The following RCOR1 variants were observed in gnomAD, a reference collection of about 807,000 sequenced individuals.
The protein encoded by RCOR1 is REST corepressor.
A neutral mutation model predicts 64.0 loss-of-function variants in RCOR1; 12 were observed. The ratio of observed to expected loss-of-function variants is 0.19; its 90% CI spans 0.12 to 0.30. RCOR1 has a LOEUF of 0.30. Ranked by LOEUF, RCOR1 falls within the 10% of genes least tolerant of loss-of-function variation. The probability of loss-of-function intolerance (pLI) is 1.00; values close to 1 mark genes in which losing one functional copy is unlikely to be tolerated. For synonymous variants in RCOR1, 279 were observed against 227.2 expected (o/e 1.23, Z -2.05); for missense variants, 502 against 621.2 (o/e 0.81, Z 2.04).
chr14:102,718,599 G>A (rs1323278013), intron 8 of RCOR1, among the ~76,000 whole-genome samples: 1 of 152,158 alleles, frequency 6.6e-6, no homozygotes, highest in African/African-American at 2.4e-5. Flanking sequence ...GGAGGGTGGT[G>A]TCTAGGTAGG....
chr14:102,658,106 T>C (rs1028523845), intron 2 of RCOR1: 4 of 240,576 alleles, frequency 1.7e-5, no homozygotes, highest in African/African-American at 4.6e-5. Context: ...TCCCAAGTAA[T>C]TGGGATTACA....
chr14:102,615,741 G>A lies in RCOR1; in HGVS notation c.361+22416G>A, dbSNP rs529278590. ...TGGTATTACAGGTGTGAGCCACCAC[G>A]CCTGGCCATTAATTCTTTTTTAAGA... is the stretch of plus-strand genomic sequence containing the variant. On this transcript the variant is annotated intron_variant, in intron 2 of 11. Coordinates refer to ENST00000262241, the MANE Select transcript of RCOR1 (RefSeq NM_015156.4). 3.3e-5 allele frequency among the ~76,000 whole-genome samples: 5 copies of A among 152,222 alleles called. No individual in the cohort carries two copies. The East Asian group carries it at 7.7e-4, about 23-fold the overall frequency.
At chr14:102,610,849 C>T (rs1314179696) in intron 2 of RCOR1, among the ~76,000 whole-genome samples, 1 of 152,110 alleles carries the variant, frequency 6.6e-6, no homozygotes, top group Non-Finnish European at 1.5e-5. Context: ...CCACCGTGCC[C>T]AGCCCAAAAG....
At chr14:102,602,489 C>T (rs970635109) in intron 2 of RCOR1, among the ~76,000 whole-genome samples, 58 of 150,340 alleles carry the variant, frequency 3.9e-4, no homozygotes, top group African/African-American at 1.3e-3. Flanking sequence ...CTGTAACCTC[C>T]GCCTCCCCGG....
Position 102,718,811 on chromosome 14 carries a change from C to T in RCOR1, c.1054-2196C>T, listed in dbSNP as rs149698662. ...GGGGGCGTATTTTGTTTTTTGGAGA[C>T]AGGATCTTGCTCTGTTGTCCATCCT... On this transcript the variant is annotated intron_variant, in intron 8 of 11. Coordinates refer to ENST00000262241, the MANE Select transcript of RCOR1 (RefSeq NM_015156.4). Among the ~76,000 whole-genome samples the T allele has an allele frequency of 6.5e-3, 986 of 152,100 alleles. 11 individuals carry two copies. The highest frequency in any genetic ancestry group is 0.024 in the Middle Eastern group (7 of 294).
At chr14:102,603,173 A>G (rs1047801250) in intron 2 of RCOR1, among the ~76,000 whole-genome samples, 39 of 151,066 alleles carry the variant, frequency 2.6e-4, no homozygotes, top group African/African-American at 9.5e-4. Context: ...TTGAACTTCT[A>G]GGGCTCAAGT....
chr14:102,622,860 G>A (rs1234308518), intron 2 of RCOR1, among the ~76,000 whole-genome samples: 2 of 152,068 alleles, frequency 1.3e-5, no homozygotes, highest in African/African-American at 4.8e-5. Context: ...TGTACTATGC[G>A]CTCCTGATTT....
intron 3 of RCOR1, among the ~76,000 whole-genome samples, chr14:102,692,753 C>CTTCCTTCTTT (rs1555466555): frequency 3.0e-5 from 4 of 133,122 alleles, no homozygotes; most frequent in Admixed American, 7.9e-5. Flanking sequence ...TCCTTCCTTC[C>CTTCCTTCTTT]TTCTTTTTCT....
chr14:102,649,745 T>C, intron 2 of RCOR1: 1 of 980,966 alleles, frequency 1.0e-6, no homozygotes, highest in African/African-American at 1.7e-5. Context: ...GACCTTCCTG[T>C]AGAGCCATTT....
intron 2 of RCOR1, chr14:102,659,044 G>A (rs1894779893): frequency 1.2e-6 from 1 of 806,132 alleles, no homozygotes; most frequent in African/African-American, 1.9e-5. Context: ...TCTCCTAGAG[G>A]GGAGTGGGGA....
At chr14:102,691,461 G>GA (rs967684391) in intron 3 of RCOR1, among the ~76,000 whole-genome samples, 5 of 151,978 alleles carry the variant, frequency 3.3e-5, no homozygotes, top group South Asian at 2.1e-4. Context: ...AAAGTTGAGG[G>GA]AAAAAAACAA....
chr14:102,707,631 C>A (rs1236955310), intron 5 of RCOR1, 119 bp downstream of exon 5: 22 of 898,370 alleles, frequency 2.4e-5, no homozygotes, highest in Non-Finnish European at 3.5e-5. Context: ...GATAAAGTTC[C>A]CCTTTAGATT....
intron 2 of RCOR1, among the ~76,000 whole-genome samples, chr14:102,672,834 C>T (rs1775290787): frequency 6.6e-6 from 1 of 152,154 alleles, no homozygotes; most frequent in South Asian, 2.1e-4. Flanking sequence ...GTTCTGCTCC[C>T]AAACAGTTGA....
rs1896325923 is a variant in RCOR1, at chr14:102,729,302, A to G, written c.*2796A>G. 3 of 152,660 alleles carry G rather than the reference A, an allele frequency of 2.0e-5. No individual in the cohort carries two copies. In the South Asian group the frequency reaches 6.2e-4, roughly 32 times the overall value. The allele number at this position is 152,660 out of a possible 1,614,324, so 9.5% of individuals were successfully genotyped here. Reference sequence around the variant, plus strand: ...TAGGTAAAATTTTTTTCACTTATCCATTTAAACACCTTGTTACTTGAATAT... The same window carrying G: ...TAGGTAAAATTTTTTTCACTTATCCGTTTAAACACCTTGTTACTTGAATAT... On this transcript the variant is annotated 3_prime_UTR_variant, in exon 12 of 12. Transcript: ENST00000262241.
At chr14:102,657,396 T>C in intron 2 of RCOR1, 1 of 985,402 alleles carries the variant, frequency 1.0e-6, no homozygotes, top group South Asian at 4.7e-5. Context: ...TTGGAGCTAA[T>C]TTCTTAACTT....
At chr14:102,712,450 A>G (rs1252827045) in intron 7 of RCOR1, among the ~76,000 whole-genome samples, 6 of 151,672 alleles carry the variant, frequency 4.0e-5, no homozygotes, top group African/African-American at 1.2e-4. Flanking sequence ...ATACGTAGCT[A>G]TATATTATTC....
At chr14:102,718,811 C>G (rs149698662) in intron 8 of RCOR1, among the ~76,000 whole-genome samples, 1 of 151,988 alleles carries the variant, frequency 6.6e-6, no homozygotes, top group Non-Finnish European at 1.5e-5. Flanking sequence ...TTTTTGGAGA[C>G]AGGATCTTGC....
At chr14:102,694,371 C>T (rs528954255) in intron 3 of RCOR1, among the ~76,000 whole-genome samples, 31 of 152,304 alleles carry the variant, frequency 2.0e-4, no homozygotes, top group South Asian at 1.2e-3. Context: ...ATTCTCCTGC[C>T]TCAGCCTCCC....
intron 2 of RCOR1, among the ~76,000 whole-genome samples, chr14:102,644,613 T>G (rs1391072406): frequency 6.6e-6 from 1 of 151,740 alleles, no homozygotes; most frequent in Non-Finnish European, 1.5e-5. Flanking sequence ...TCAAGCCCAG[T>G]TGTGGCCACC....
Sources: allele counts gnomAD v4.1 joint callset (sites outside exome capture counted in the v4.1 genomes callset), GRCh38; gene constraint gnomAD v4.1.1; transcripts MANE v1.5; gene names NCBI Gene and HGNC (gene_info 2026-07-23, HGNC 2026-07-21).